Variants in CSPP1 observed in about 807,000 individuals in gnomAD.
The protein encoded by CSPP1 is centrosome and spindle pole-associated protein 1.
Under a neutral mutation model 164.4 loss-of-function variants are expected in CSPP1, and 126 were observed. The observed-to-expected ratio is 0.77, with a 90% CI of 0.66 to 0.89. The LOEUF (loss-of-function observed/expected upper bound fraction) is 0.89. CSPP1 is among the 40% of genes least tolerant of loss of function. CSPP1 has a pLI of 0.00. For missense variants in CSPP1, 1,395 were observed against 1,449.8 expected (o/e 0.96, Z 0.61); for synonymous variants, 472 against 476.7 (o/e 0.99, Z 0.13).
intron 15 of CSPP1, among the ~76,000 whole-genome samples, chr8:67,128,043 G>A (rs1212332215): frequency 6.6e-6 from 1 of 152,106 alleles, no homozygotes; most frequent in African/African-American, 2.4e-5. Flanking sequence ...TGAGAGGATG[G>A]TAAAGATTTT....
At chr8:67,131,926 A>G (rs1354963895) in intron 15 of CSPP1, 25 bp from the exon 16 acceptor site, 1 of 1,557,044 alleles carries the variant, frequency 6.4e-7, no homozygotes, top group Admixed American at 1.9e-5. Flanking sequence ...ATGGATTTAA[A>G]TTATTTATTG....
At chr8:67,130,098 T>C (rs756149292) in intron 15 of CSPP1, among the ~76,000 whole-genome samples, 4 of 152,102 alleles carry the variant, frequency 2.6e-5, no homozygotes, top group Non-Finnish European at 4.4e-5. Flanking sequence ...GGGCCTACTT[T>C]TCTTATGTGG....
chr8:67,113,867 G>A lies in CSPP1; in HGVS notation c.1245+5G>A, dbSNP rs756380634. On this transcript the variant is annotated splice_donor_5th_base_variant and intron_variant, in intron 11 of 30. Transcript: ENST00000678616. ...GCACAAGACCCTGAGAAATCGGTAA[G>A]GGTTTCTGGCATCTTTTAATGTTTA... is the stretch of plus-strand genomic sequence containing the variant. The A allele has an allele frequency of 6.4e-7, 1 of 1,552,562 alleles. No homozygotes were observed. The highest frequency in any genetic ancestry group is 8.8e-7 in the Non-Finnish European group (1 of 1,131,486).
chr8:67,156,931 C>A (rs1273954539), intron 19 of CSPP1, among the ~76,000 whole-genome samples: 1 of 152,180 alleles, frequency 6.6e-6, no homozygotes, highest in Admixed American at 6.5e-5. Flanking sequence ...GCTTTCCAGA[C>A]CAGAAACCTG....
chr8:67,135,311 A>G (rs966612914), intron 16 of CSPP1: 22 of 151,854 alleles, frequency 1.4e-4, no homozygotes, highest in African/African-American at 4.8e-4. Context: ...CGCCCAGCTA[A>G]TTTTTATTTT....
chr8:67,111,917 A>G, intron 9 of CSPP1, 55 bp from the exon 10 acceptor site: 1 of 1,075,998 alleles, frequency 9.3e-7, no homozygotes, highest in Admixed American at 2.2e-5. Context: ...TTAACTTTCT[A>G]ATTGCATACG....
intron 1 of CSPP1, 58 bp downstream of exon 1, chr8:67,064,596 C>A: frequency 1.4e-6 from 2 of 1,431,700 alleles, no homozygotes; most frequent in East Asian, 2.8e-5. Context: ...CATTCGCTGC[C>A]CCGGAGCGGG....
chr8:67,177,687 A>C lies in CSPP1; in HGVS notation c.3117A>C (p.Leu1039Phe). 6.2e-7 allele frequency: 1 copy of C among 1,609,954 alleles called. No individual in the cohort carries two copies. Among genetic ancestry groups the C allele is most frequent in the Non-Finnish European group, 8.5e-7 (1 of 1,176,568 alleles). The change falls in exon 27 of 31, where the codon TTA becomes TTC. Residue 1039 changes from leucine (L) to phenylalanine (F), a missense_variant. Transcript: ENST00000678616. ...GTTCTCCATTGACTACAGTTGACTT[A>C]GATGCCATCCCAAGTGCTAAAGTAC... ...IKMQEGAKVD[L>F]DAIPSAKVRE...
At chr8:67,183,843 ATT>A (rs918103972) in intron 28 of CSPP1, among the ~76,000 whole-genome samples, 1,401 of 108,146 alleles carry the variant, frequency 0.013, 17 homozygotes, top group African/African-American at 0.031. Flanking sequence ...AAAATTGGGA[ATT>A]TTTTTTTTTT....
intron 7 of CSPP1, among the ~76,000 whole-genome samples, chr8:67,099,762 T>A (rs1474797459): frequency 2.0e-5 from 3 of 152,158 alleles, no homozygotes; most frequent in Non-Finnish European, 4.4e-5. Flanking sequence ...ATGCTAAATT[T>A]ATTAGAAATA....
chr8:67,143,641 A>G (rs1157757553), intron 17 of CSPP1, among the ~76,000 whole-genome samples: 1 of 152,086 alleles, frequency 6.6e-6, no homozygotes, highest in African/African-American at 2.4e-5. Context: ...GATCTTGTGT[A>G]TATTTTGTTA....
chr8:67,189,597 A>G (rs1052448184), intron 28 of CSPP1, among the ~76,000 whole-genome samples: 4 of 152,166 alleles, frequency 2.6e-5, no homozygotes, highest in East Asian at 1.9e-4. Flanking sequence ...TTAAACAATG[A>G]TAGTGTTGTA....
At chr8:67,159,435 G>A (rs1563708578) in intron 21 of CSPP1, among the ~76,000 whole-genome samples, 2 of 146,022 alleles carry the variant, frequency 1.4e-5, no homozygotes, top group African/African-American at 5.0e-5. Context: ...AGTACAACAT[G>A]AACTGTTTGT....
intron 29 of CSPP1, 150 bp from the exon 30 acceptor site, chr8:67,193,314 C>T (rs547579948): frequency 2.2e-5 from 12 of 533,864 alleles, no homozygotes; most frequent in Non-Finnish European, 4.0e-5. Context: ...CCAGGCTGGT[C>T]TTGAACTCCT....
intron 9 of CSPP1, among the ~76,000 whole-genome samples, chr8:67,108,484 T>C (rs1005798906): frequency 3.3e-5 from 5 of 152,198 alleles, no homozygotes; most frequent in African/African-American, 1.2e-4. Context: ...TATCTGCTTC[T>C]ATTGATTGCT....
chr8:67,152,230 CAT>C (rs1328064192), intron 18 of CSPP1, among the ~76,000 whole-genome samples: 4 of 151,984 alleles, frequency 2.6e-5, no homozygotes, highest in Non-Finnish European at 5.9e-5. Flanking sequence ...CACAGACACA[CAT>C]ATCTTTGCAT....
chr8:67,077,933 T>C (rs2129541950), intron 3 of CSPP1, among the ~76,000 whole-genome samples: 1 of 152,340 alleles, frequency 6.6e-6, no homozygotes, highest in South Asian at 2.1e-4. Context: ...GAATCTCTTA[T>C]AAATTATTAA....
At chr8:67,160,019 TTCTTTTCTTTTC>T (rs1827947720) in intron 21 of CSPP1, among the ~76,000 whole-genome samples, 1 of 103,072 alleles carries the variant, frequency 9.7e-6, no homozygotes, top group Non-Finnish European at 1.7e-5. Context: ...TTCTTTTCTT[TTCTTTTCTTTTC>T]TTTTTCTTTT....
chr8:67,068,134 C>A (rs1221614285), intron 1 of CSPP1, among the ~76,000 whole-genome samples: 2 of 152,170 alleles, frequency 1.3e-5, no homozygotes, highest in African/African-American at 4.8e-5. Flanking sequence ...CAGGCATGGG[C>A]CACTGCGCCT....
Sources: gnomAD v4.1 joint callset for allele counts (sites outside exome capture counted in the v4.1 genomes callset) on GRCh38, gnomAD v4.1.1 for gene constraint, MANE v1.5 for transcripts, NCBI Gene and HGNC (gene_info 2026-07-23, HGNC 2026-07-21) for gene names.